RPS13: variants seen among roughly 807,000 people sequenced by gnomAD.
The protein encoded by RPS13 is small ribosomal subunit protein uS15.
In RPS13, 1 loss-of-function variant was observed where a neutral mutation model predicts 24.6. The ratio of observed to expected loss-of-function variants is 0.04; its 90% CI spans 0.01 to 0.19. RPS13 has a LOEUF of 0.19. Ranked by LOEUF, RPS13 falls within the 10% of genes least tolerant of loss-of-function variation. The probability of loss-of-function intolerance (pLI) is 1.00; values close to 1 mark genes in which losing one functional copy is unlikely to be tolerated. For missense variants in RPS13, 88 were observed against 187.4 expected, an observed-to-expected ratio of 0.47 and a Z score of 3.10; for synonymous variants, 69 against 65.3, an observed-to-expected ratio of 1.06 and a Z score of -0.27.
At chr11:17,074,807 A>T in intron 5 of RPS13, 1 of 659,888 alleles carries the variant, frequency 1.5e-6, no homozygotes, top group Non-Finnish European at 2.8e-6. Context: ...AAATCTACCT[A>T]CTATCTAAAA....
At chr11:17,074,611 C>T (rs1472510308) in intron 5 of RPS13, 145 bp from the exon 6 acceptor site, 2 of 727,968 alleles carry the variant, frequency 2.7e-6, no homozygotes, top group Admixed American at 4.0e-5. Flanking sequence ...CTTCTGAATA[C>T]CTGAACCAAC....
At chr11:17,075,719 T>TTACAGATA in intron 3 of RPS13, 96 bp from the exon 4 acceptor site, 8 of 936,374 alleles carry the variant, frequency 8.5e-6, no homozygotes, top group African/African-American at 1.6e-5. Context: ...GTTTCCTATC[T>TTACAGATA]GTAAGATGGG....
At position 17,077,458 on chromosome 11, in the gene RPS13, C is replaced by A. The variant is rs1402086120; in HGVS notation, c.43G>T (p.Ala15Ser). Residue 15 changes from alanine (A) to serine (S), a missense_variant, in exon 2 of 6, where the codon GCT becomes TCT. Coordinates refer to ENST00000525634, the MANE Select transcript of RPS13 (RefSeq NM_001017.3). ...HAPGKGLSQS[A>S]LPYRRSVPTW... is the part of the protein sequence containing the mutation. Reference sequence around the variant, plus strand: ...GGGACGCTGCGTCGATAGGGTAAAGCCGACTGGGACAGGCCCTTCCTGGGG... The same window carrying A: ...GGGACGCTGCGTCGATAGGGTAAAGACGACTGGGACAGGCCCTTCCTGGGG... 1.2e-6 allele frequency: 2 copies of A among 1,613,282 alleles called. No individual in the cohort carries two copies. The highest frequency in any genetic ancestry group is 1.7e-6 in the Non-Finnish European group (2 of 1,179,768).
intron 1 of RPS13, 40 bp downstream of exon 1, chr11:17,077,579 A>ACCCCCCC: frequency 4.1e-6 from 2 of 487,338 alleles, no homozygotes; most frequent in South Asian, 3.1e-5. Flanking sequence ...TCTTCCTCCC[A>ACCCCCCC]CCCCCCGCCC....
chr11:17,074,535 AATCTCCCCACT>A, intron 5 of RPS13, 69 bp from the exon 6 acceptor site: 1 of 1,170,456 alleles, frequency 8.5e-7, no homozygotes, highest in Middle Eastern at 1.9e-4. Flanking sequence ...TCATTAACAG[AATCTCCCCACT>A]AATGGTGCTA....
chr11:17,077,501 G>A (rs765178470), intron 1 of RPS13, 24 bp from the exon 2 acceptor site: 3 of 1,614,034 alleles, frequency 1.9e-6, no homozygotes, highest in Admixed American at 1.7e-5. Flanking sequence ...CAGTCTCGAG[G>A]TGAGGTGGCG....
At chr11:17,075,365 G>T in intron 4 of RPS13, 89 bp downstream of exon 4, 2 of 1,127,454 alleles carry the variant, frequency 1.8e-6, no homozygotes, top group African/African-American at 1.6e-5. Context: ...ACTAAGCCTT[G>T]GATAATTCAA....
At position 17,075,851 on chromosome 11, in the gene RPS13, A is replaced by G. The variant is rs976744875; in HGVS notation, c.152-228T>C. The G allele has an allele frequency of 4.2e-5, 27 of 642,728 alleles. No individual in the cohort carries two copies. The African/African-American group carries it at 4.8e-4, about 11-fold the overall frequency. The allele number at this position is 642,728 out of a possible 1,614,324, so 39.8% of individuals were successfully genotyped here. On this transcript the variant is annotated intron_variant, in intron 3 of 5. Coordinates refer to ENST00000525634, the MANE Select transcript of RPS13 (RefSeq NM_001017.3). The stretch of plus-strand genomic sequence containing the variant: ...TCTGGTGGAAACTGCGAATGTTGGA[A>G]AACCATCATCACAGTGAGCTTGCTG...
chr11:17,075,052 C>G, intron 5 of RPS13, 45 bp downstream of exon 5: 1 of 1,304,884 alleles, frequency 7.7e-7, no homozygotes, highest in Non-Finnish European at 1.1e-6. Context: ...TTACTACTGG[C>G]TGACTCCTAT....
chr11:17,076,984 T>C, intron 3 of RPS13, 184 bp downstream of exon 3: 1 of 595,994 alleles, frequency 1.7e-6, no homozygotes, highest in Non-Finnish European at 3.0e-6. Flanking sequence ...CCATGAAGAT[T>C]TATTTCAAAG....
intron 4 of RPS13, 36 bp from the exon 5 acceptor site, chr11:17,075,233 C>T: frequency 1.4e-6 from 2 of 1,386,422 alleles, no homozygotes; most frequent in South Asian, 2.5e-5. Context: ...AAGAAAACCA[C>T]CCAAAATGAC....
chr11:17,076,623 C>T (rs1848029495), intron 3 of RPS13: 2 of 379,482 alleles, frequency 5.3e-6, no homozygotes, highest in Non-Finnish European at 1.0e-5. Flanking sequence ...TCATAGCTCA[C>T]TGCAGCCTGG....
rs74677029 is a variant in RPS13 at position 17,075,385 on chromosome 11, A to T, written c.321+69T>A. 145 of 1,266,358 alleles carry T rather than the reference A, an allele frequency of 1.1e-4. 1 individual carries two copies. In the African/African-American group the frequency reaches 2.0e-3, roughly 18 times the overall value. 78.4% of individuals were successfully genotyped at this position (1,266,358 alleles called of 1,614,324 possible). Reference sequence around the variant, plus strand: ...GCCTTGGATAATTCAAACCAGATGCATTACATTTTACCGAAAAAATTTAGT... The same window carrying T: ...GCCTTGGATAATTCAAACCAGATGCTTTACATTTTACCGAAAAAATTTAGT... On this transcript the variant is annotated intron_variant, in intron 4 of 5. Transcript: ENST00000525634.
chr11:17,074,547 A>C (rs2137236422), intron 5 of RPS13, 81 bp from the exon 6 acceptor site: 2 of 1,060,522 alleles, frequency 1.9e-6, no homozygotes, highest in South Asian at 2.6e-5. Context: ...TCTCCCCACT[A>C]ATGGTGCTAT....
intron 2 of RPS13, 39 bp from the exon 3 acceptor site, chr11:17,077,285 A>C (rs1848036291): frequency 3.8e-6 from 6 of 1,592,236 alleles, no homozygotes; most frequent in Non-Finnish European, 3.4e-6. Flanking sequence ...ATGAGAACCC[A>C]GGAATGGCGC....
intron 5 of RPS13, 131 bp downstream of exon 5, chr11:17,074,966 G>C: frequency 3.0e-6 from 2 of 662,450 alleles, no homozygotes; most frequent in Non-Finnish European, 5.3e-6. Context: ...TCAAAGAGCA[G>C]TTAACAAAAT....
chr11:17,076,842 C>T (rs888797012), intron 3 of RPS13: 9 of 430,228 alleles, frequency 2.1e-5, no homozygotes, highest in Admixed American at 3.8e-5. Flanking sequence ...CCACACCTAA[C>T]TGTGAGGAAC....
In RPS13 at chr11:17,075,526, A is replaced by G. The variant is rs768731706; in HGVS notation, c.249T>C (p.Asp83=). 3.7e-6 allele frequency: 6 copies of G among 1,606,870 alleles called. No individual in the cohort carries two copies. In the Admixed American group the frequency reaches 1.0e-4, roughly 28 times the overall value. Residue 83 remains aspartate (D), a synonymous_variant, in exon 4 of 6, where the codon GAT becomes GAC. Coordinates refer to ENST00000525634, the MANE Select transcript of RPS13 (RefSeq NM_001017.3). The part of the protein sequence containing the change: ...RILKSKGLAP[D]LPEDLYHLIK... ...TTAAATGGTAGAGATCTTCAGGAAG[A>G]TCAGGAGCAAGTCCCTTAGACTTAA...
intron 3 of RPS13, 56 bp from the exon 4 acceptor site, chr11:17,075,679 AT>A: frequency 1.4e-6 from 2 of 1,387,178 alleles, no homozygotes; most frequent in Middle Eastern, 3.6e-4. Context: ...GGAGAATGTG[AT>A]GATGTCAAGG....
Sources: allele counts gnomAD v4.1 joint callset, GRCh38; gene constraint gnomAD v4.1.1; transcripts MANE v1.5; gene names NCBI Gene and HGNC (gene_info 2026-07-23, HGNC 2026-07-21).